Variants in ZNF92 observed in about 807,000 individuals in gnomAD.
ZNF92 encodes the protein epididymis luminal protein 203.
In ZNF92, 11 loss-of-function variants were observed where a neutral mutation model predicts 12.4. The ratio of observed to expected loss-of-function variants is 0.89; its 90% CI spans 0.56 to 1.47. The LOEUF (loss-of-function observed/expected upper bound fraction) is 1.47. Among genes scored for constraint, ZNF92 ranks in the 40% most tolerant of loss-of-function variants. The probability of loss-of-function intolerance (pLI) is 0.00; values close to 1 mark genes in which losing one functional copy is unlikely to be tolerated. For synonymous variants in ZNF92, 206 were observed against 228.6 expected, an observed-to-expected ratio of 0.90 and a Z score of 0.89; for missense variants, 622 against 681.0, an observed-to-expected ratio of 0.91 and a Z score of 0.96.
At chr7:65,377,253 A>G (rs952373866) in intron 1 of ZNF92, among the ~76,000 whole-genome samples, 3 of 152,120 alleles carry the variant, frequency 2.0e-5, no homozygotes, top group Admixed American at 6.6e-5. Flanking sequence ...CTTCAGCCCA[A>G]TGACTCCAAG....
At chr7:65,391,122 G>A (rs1462738956) in intron 3 of ZNF92, among the ~76,000 whole-genome samples, 1 of 152,052 alleles carries the variant, frequency 6.6e-6, no homozygotes, top group African/African-American at 2.4e-5. Flanking sequence ...TCTCTTAAAG[G>A]CGCTTATTTT....
intron 1 of ZNF92, among the ~76,000 whole-genome samples, chr7:65,386,807 A>G (rs1294793633): frequency 6.6e-6 from 1 of 152,124 alleles, no homozygotes; most frequent in Non-Finnish European, 1.5e-5. Context: ...TCTGTTCATC[A>G]GCACATTATA....
chr7:65,385,619 TATC>T (rs1362289682), intron 1 of ZNF92, among the ~76,000 whole-genome samples: 2 of 151,794 alleles, frequency 1.3e-5, no homozygotes, highest in Non-Finnish European at 2.9e-5. Context: ...GGAAAGGAGA[TATC>T]ATTATCTCCA....
chr7:65,382,733 T>C (rs908677086), intron 1 of ZNF92, among the ~76,000 whole-genome samples: 1 of 152,138 alleles, frequency 6.6e-6, no homozygotes, highest in Non-Finnish European at 1.5e-5. Context: ...CTTCTCTTTT[T>C]AAAATGCCCA....
In ZNF92 at chr7:65,390,678, G is replaced by C. The variant is rs531032728; in HGVS notation, c.226+1777G>C. Reference sequence around the variant, plus strand: ...TCTGCATATAATGGACCTTGTATCAGGATGTGGATGAGTGTGGCTTTCACT... The same window carrying C: ...TCTGCATATAATGGACCTTGTATCACGATGTGGATGAGTGTGGCTTTCACT... On this transcript the variant is annotated intron_variant, in intron 3 of 3. Transcript: ENST00000328747. Among the ~76,000 whole-genome samples the C allele has an allele frequency of 4.5e-4, 68 of 152,222 alleles. 1 individual carries two copies. The highest frequency in any genetic ancestry group is 1.5e-3 in the African/African-American group (64 of 41,546).
intron 3 of ZNF92, among the ~76,000 whole-genome samples, chr7:65,396,157 T>C (rs1793842405): frequency 6.6e-6 from 1 of 152,090 alleles, no homozygotes; most frequent in Non-Finnish European, 1.5e-5. Context: ...AGTGATCAGC[T>C]CACCTTGACC....
At chr7:65,376,210 C>T (rs1021229545) in intron 1 of ZNF92, among the ~76,000 whole-genome samples, 1 of 151,802 alleles carries the variant, frequency 6.6e-6, no homozygotes, top group Non-Finnish European at 1.5e-5. Flanking sequence ...ACCACGCCTG[C>T]TGACAAATCT....
rs1382365402 is a variant in ZNF92, at chr7:65,400,195, C to A, written c.*320C>A. 1.0e-5 allele frequency: 2 copies of A among 193,934 alleles called. No homozygotes were observed. Among genetic ancestry groups the A allele is most frequent in the African/African-American group, 2.3e-5 (1 of 42,602 alleles). The allele number at this position is 193,934 out of a possible 1,614,324, so 12.0% of individuals were successfully genotyped here. A position where few individuals can be genotyped will look rare whatever the true frequency, so the allele number is the denominator to read the frequency against. On this transcript the variant is annotated 3_prime_UTR_variant, in exon 4 of 4. Coordinates refer to ENST00000328747, the MANE Select transcript of ZNF92 (RefSeq NM_152626.4). ...AAAATGCAATTACCGTCAAATCTTT[C>A]AGAAAATATAAGCCTTTAATACGAG...
At position 65,387,960 on chromosome 7, in the gene ZNF92, T is replaced by C. The variant is rs1340970007; in HGVS notation, c.62T>C (p.Leu21Pro). Residue 21 changes from leucine (L) to proline (P), a missense_variant, in exon 2 of 4, where the codon CTG (leucine) becomes CCG (proline). Physicochemically the swap from Leu to Pro is moderately conservative, Grantham distance 98. Transcript: ENST00000328747. ...TTCTCTCTAGAGGAATGGCAATGCC[T>C]GGACACTGCGCAGCGGAATTTATAT... Reference protein sequence around the residue: ...IEFSLEEWQCLDTAQRNLYRD... With the variant: ...IEFSLEEWQCPDTAQRNLYRD... The C allele has an allele frequency of 1.2e-6, 2 of 1,608,398 alleles. No homozygotes were observed. Among genetic ancestry groups the C allele is most frequent in the East Asian group, 2.2e-5 (1 of 44,716 alleles).
intron 3 of ZNF92, among the ~76,000 whole-genome samples, chr7:65,391,767 TTAAG>T (rs751436961): frequency 6.6e-6 from 1 of 152,120 alleles, no homozygotes; most frequent in African/African-American, 2.4e-5. Flanking sequence ...TGCTTACTTA[TTAAG>T]TTTTTTATTA....
intron 3 of ZNF92, among the ~76,000 whole-genome samples, chr7:65,395,609 A>G (rs1315173099): frequency 6.6e-6 from 1 of 152,110 alleles, no homozygotes; most frequent in Non-Finnish European, 1.5e-5. Context: ...GCTTGGCACT[A>G]TCCTCTTGGT....
At chr7:65,387,609 C>T (rs1793607036) in intron 1 of ZNF92, among the ~76,000 whole-genome samples, 1 of 152,102 alleles carries the variant, frequency 6.6e-6, no homozygotes, top group Non-Finnish European at 1.5e-5. Context: ...AACATATACA[C>T]TCAGAAATGT....
At position 65,400,779 on chromosome 7, in the gene ZNF92, C is replaced by T. The variant is rs1793993751; in HGVS notation, c.*904C>T. 1 of 151,644 alleles carries T rather than the reference C, an allele frequency of 6.6e-6. No individual in the cohort carries two copies. Among genetic ancestry groups the T allele is most frequent in the Admixed American group, 6.6e-5 (1 of 15,228 alleles). 9.4% of individuals were successfully genotyped at this position (151,644 alleles called of 1,614,324 possible). ...CTCAAATTCATGTTTTTCTTCATTC[C>T]TATTATATTCACATGTGAAAGCAAG... On this transcript the variant is annotated 3_prime_UTR_variant, in exon 4 of 4. Coordinates refer to ENST00000328747, the MANE Select transcript of ZNF92 (RefSeq NM_152626.4).
rs1793985585 is a variant in ZNF92, at chr7:65,400,485, T to C, written c.*610T>C. On this transcript the variant is annotated 3_prime_UTR_variant, in exon 4 of 4. Coordinates refer to ENST00000328747, the MANE Select transcript of ZNF92 (RefSeq NM_152626.4). ...TATATTTTTGCAGATGCAGTAAATA[T>C]GAAAAATATTTAATCCCAAATTAAG... is the stretch of plus-strand genomic sequence containing the variant. 1 of 152,014 alleles carries C rather than the reference T, an allele frequency of 6.6e-6. No homozygotes were observed. Among genetic ancestry groups the C allele is most frequent in the Non-Finnish European group, 1.5e-5 (1 of 67,924 alleles). The allele number at this position is 152,014 out of a possible 1,614,324, so 9.4% of individuals were successfully genotyped here. A position where few individuals can be genotyped will look rare whatever the true frequency, so the allele number is the denominator to read the frequency against.
rs1793836700 is a variant in ZNF92 at position 65,395,920 on chromosome 7, A to G, written c.227-2421A>G. On this transcript the variant is annotated intron_variant, in intron 3 of 3. Coordinates refer to ENST00000328747, the MANE Select transcript of ZNF92 (RefSeq NM_152626.4). The stretch of plus-strand genomic sequence containing the variant: ...CAGTATATTGTATGCTTTCTTATTT[A>G]TTTATTTTTGAGATAGGGTCTCACT... Among the ~76,000 whole-genome samples the G allele has an allele frequency of 2.1e-5, 3 of 142,862 alleles. 1 individual carries two copies. In the South Asian group the frequency reaches 6.5e-4, roughly 31 times the overall value. The allele number at this position is 142,862 out of a possible 152,430, so 93.7% of individuals were successfully genotyped here.
chr7:65,386,266 T>C (rs974850529), intron 1 of ZNF92, among the ~76,000 whole-genome samples: 3 of 151,992 alleles, frequency 2.0e-5, no homozygotes, highest in Admixed American at 6.6e-5. Flanking sequence ...GATCTGCCTG[T>C]CTTGGCCTCC....
chr7:65,393,612 C>T (rs1254706085), intron 3 of ZNF92, among the ~76,000 whole-genome samples: 2 of 151,974 alleles, frequency 1.3e-5, no homozygotes, highest in African/African-American at 4.8e-5. Flanking sequence ...CCTTGTTTTT[C>T]ACCAAAAAAT....
At chr7:65,389,641 C>T (rs894924909) in intron 3 of ZNF92, among the ~76,000 whole-genome samples, 3 of 151,948 alleles carry the variant, frequency 2.0e-5, no homozygotes, top group Non-Finnish European at 2.9e-5. Flanking sequence ...CTCAGCCTCC[C>T]GAGTAGCTGG....
chr7:65,384,561 C>T lies in ZNF92; in HGVS notation c.4-3341C>T, dbSNP rs138075673. Among the ~76,000 whole-genome samples the T allele has an allele frequency of 4.9e-3, 747 of 152,180 alleles. 5 individuals carry two copies. The highest frequency in any genetic ancestry group is 0.014 in the Middle Eastern group (4 of 294). ...TCTTAATTTTGTATTAAAATCAGTG[C>T]ATGCAGAAACATGCCATTTAGCAAC... On this transcript the variant is annotated intron_variant, in intron 1 of 3. Transcript: ENST00000328747.
Sources: gnomAD v4.1 joint callset for allele counts (sites outside exome capture counted in the v4.1 genomes callset) on GRCh38, gnomAD v4.1.1 for gene constraint, MANE v1.5 for transcripts, NCBI Gene and HGNC (gene_info 2026-07-23, HGNC 2026-07-21) for gene names.